PDE7B: variants seen among roughly 807,000 people sequenced by gnomAD.
PDE7B encodes the protein 3',5'-cyclic-AMP phosphodiesterase 7B.
PDE7B carries 29 observed loss-of-function variants against 56.2 expected under a neutral mutation model. The ratio of observed to expected loss-of-function variants is 0.52; its 90% CI spans 0.38 to 0.70. The LOEUF is 0.70. Among genes scored for constraint, PDE7B ranks in the 30% least tolerant of loss-of-function variants. PDE7B has a pLI of 0.00. For missense variants in PDE7B, 490 were observed against 565.0 expected (o/e 0.87, Z 1.35); for synonymous variants, 197 against 196.9 (o/e 1.00, Z 0.00).
chr6:135,986,657 A>T (rs1775381748), intron 2 of PDE7B, among the ~76,000 whole-genome samples: 1 of 152,230 alleles, frequency 6.6e-6, no homozygotes, highest in Non-Finnish European at 1.5e-5. Context: ...GTGAGAAAAG[A>T]TAAGGAAACA....
At chr6:136,079,119 G>A (rs74960210) in intron 2 of PDE7B, among the ~76,000 whole-genome samples, 3,565 of 152,144 alleles carry the variant, frequency 0.023, 140 homozygotes, top group African/African-American at 0.08. Context: ...GTTTATCTGG[G>A]TGTAAGCCCA....
At chr6:135,891,052 A>C (rs1775801857) in intron 1 of PDE7B, among the ~76,000 whole-genome samples, 3 of 152,220 alleles carry the variant, frequency 2.0e-5, no homozygotes, top group African/African-American at 7.2e-5. Context: ...TGAATTACAT[A>C]CGCATCTTAA....
At chr6:136,013,482 G>A (rs926101391) in intron 2 of PDE7B, among the ~76,000 whole-genome samples, 2 of 152,198 alleles carry the variant, frequency 1.3e-5, no homozygotes, top group African/African-American at 4.8e-5. Flanking sequence ...GCTCTCAAGT[G>A]ACTTTCAGGC....
chr6:135,988,030 G>T (rs1326395122), intron 2 of PDE7B, among the ~76,000 whole-genome samples: 1 of 152,158 alleles, frequency 6.6e-6, no homozygotes, highest in Non-Finnish European at 1.5e-5. Context: ...CTGTAATTTT[G>T]TGTCCAGTCT....
At chr6:135,983,950 T>C (rs1775337658) in intron 2 of PDE7B, among the ~76,000 whole-genome samples, 1 of 152,264 alleles carries the variant, frequency 6.6e-6, no homozygotes, top group African/African-American at 2.4e-5. Context: ...TGTATTCCCA[T>C]CATTAGTAAC....
intron 2 of PDE7B, among the ~76,000 whole-genome samples, chr6:136,029,441 GTA>G (rs2128208864): frequency 6.6e-6 from 1 of 152,312 alleles, no homozygotes; most frequent in Non-Finnish European, 1.5e-5. Context: ...AAAGACAGAT[GTA>G]TGTTACCTTG....
At chr6:136,056,321 G>A (rs1776730641) in intron 2 of PDE7B, among the ~76,000 whole-genome samples, 1 of 152,156 alleles carries the variant, frequency 6.6e-6, no homozygotes, top group Non-Finnish European at 1.5e-5. Flanking sequence ...CAGGTGAACT[G>A]TTTATTTATA....
intron 2 of PDE7B, among the ~76,000 whole-genome samples, chr6:136,012,932 C>T (rs1191044764): frequency 1.3e-5 from 2 of 152,144 alleles, no homozygotes; most frequent in Non-Finnish European, 2.9e-5. Flanking sequence ...GAATTAGCCC[C>T]ATTCTACAGT....
chr6:136,140,628 A>G (rs951427964), intron 3 of PDE7B, among the ~76,000 whole-genome samples: 95 of 152,168 alleles, frequency 6.2e-4, no homozygotes, highest in African/African-American at 2.2e-3. Flanking sequence ...CATTGTTTGT[A>G]TCCTCTTTTA....
chr6:136,012,641 G>C (rs1351991389), intron 2 of PDE7B: 1 of 152,134 alleles, frequency 6.6e-6, no homozygotes, highest in Non-Finnish European at 1.5e-5. Context: ...CAAACAACCA[G>C]ATCTCCTGAG....
At chr6:136,055,330 C>T (rs1328640344) in intron 2 of PDE7B, among the ~76,000 whole-genome samples, 2 of 152,148 alleles carry the variant, frequency 1.3e-5, no homozygotes, top group East Asian at 1.9e-4. Context: ...TTTGCCTTTC[C>T]AGTAGTAAAC....
intron 9 of PDE7B, among the ~76,000 whole-genome samples, chr6:136,177,267 A>C (rs1015962472): frequency 6.6e-6 from 1 of 152,144 alleles, no homozygotes; most frequent in Admixed American, 6.5e-5. Flanking sequence ...GTTCGAGACC[A>C]GCCTGGTCAA....
rs935330489 is a variant in PDE7B at position 136,191,518 on chromosome 6, T to C, written c.1127-96T>C. 3.9e-6 allele frequency: 4 copies of C among 1,017,992 alleles called. No individual in the cohort carries two copies. The African/African-American group carries it at 4.8e-5, about 12-fold the overall frequency. 63.1% of individuals were successfully genotyped at this position (1,017,992 alleles called of 1,614,324 possible). On this transcript the variant is annotated intron_variant, in intron 12 of 12. Coordinates refer to ENST00000308191, the MANE Select transcript of PDE7B (RefSeq NM_018945.4). ...CCCATCTCTACTAAAGATACAAAAA[T>C]TAGCCGGGCGTGGTGGGTCCCCAGT...
At chr6:136,096,072 C>G (rs1236069548) in intron 2 of PDE7B, 1 of 152,172 alleles carries the variant, frequency 6.6e-6, no homozygotes, top group Non-Finnish European at 1.5e-5. Flanking sequence ...AAAAGAATCC[C>G]AAGTGCCATG....
chr6:135,992,209 C>G (rs1775490996), intron 2 of PDE7B, among the ~76,000 whole-genome samples: 1 of 108,706 alleles, frequency 9.2e-6, no homozygotes, highest in Non-Finnish European at 1.8e-5. Flanking sequence ...ACCTGATGAG[C>G]TAAAAAAAAA....
In PDE7B at chr6:135,991,541, C is replaced by G. The variant is rs367654013; in HGVS notation, c.82+44017C>G. ...GCAAATTGTTCTCAAGTGGCTACTT[C>G]CTGCTTGCTGATGGCTGAAATTCCT... On this transcript the variant is annotated intron_variant, in intron 2 of 12. Coordinates refer to ENST00000308191, the MANE Select transcript of PDE7B (RefSeq NM_018945.4). Among the ~76,000 whole-genome samples the G allele has an allele frequency of 5.3e-5, 8 of 152,322 alleles. No homozygotes were observed. The East Asian group carries it at 1.5e-3, about 29-fold the overall frequency.
At chr6:135,870,581 T>C (rs557174705) in intron 1 of PDE7B, among the ~76,000 whole-genome samples, 2 of 151,836 alleles carry the variant, frequency 1.3e-5, no homozygotes, top group East Asian at 3.9e-4. Context: ...CAATTGATTA[T>C]AGATTTTTGG....
At chr6:135,957,986 C>T (rs1157054669) in intron 2 of PDE7B, among the ~76,000 whole-genome samples, 1 of 152,134 alleles carries the variant, frequency 6.6e-6, no homozygotes, top group Non-Finnish European at 1.5e-5. Flanking sequence ...AATCCCAGCA[C>T]TTTGGGAGGC....
At chr6:136,087,983 GC>G (rs901405422) in intron 2 of PDE7B, among the ~76,000 whole-genome samples, 2 of 152,158 alleles carry the variant, frequency 1.3e-5, no homozygotes, top group Admixed American at 1.3e-4. Flanking sequence ...GTGGGAGAAA[GC>G]CTTTTTCTCT....
Sources: allele counts gnomAD v4.1 joint callset (sites outside exome capture counted in the v4.1 genomes callset), GRCh38; gene constraint gnomAD v4.1.1; transcripts MANE v1.5; gene names NCBI Gene and HGNC (gene_info 2026-07-23, HGNC 2026-07-21).